TRAF6: variants seen among roughly 807,000 people sequenced by gnomAD.
TRAF6 encodes the protein TNF receptor-associated factor 6.
In TRAF6, 10 loss-of-function variants were observed where a neutral mutation model predicts 48.4. The observed-to-expected ratio is 0.21, with a 90% CI of 0.13 to 0.35. The LOEUF (loss-of-function observed/expected upper bound fraction) is 0.35. Ranked by LOEUF, TRAF6 falls within the 10% of genes least tolerant of loss-of-function variation. The pLI, the probability that TRAF6 is intolerant of heterozygous loss-of-function variation, is 1.00. For missense variants in TRAF6, 397 were observed against 661.0 expected, an observed-to-expected ratio of 0.60 and a Z score of 4.38; for synonymous variants, 186 against 219.6, an observed-to-expected ratio of 0.85 and a Z score of 1.35.
At chr11:36,499,980 C>T (rs1196240009) in intron 2 of TRAF6, among the ~76,000 whole-genome samples, 1 of 152,188 alleles carries the variant, frequency 6.6e-6, no homozygotes, top group African/African-American at 2.4e-5. Flanking sequence ...TAAAATGTAT[C>T]TATTTCCATG....
Position 36,492,663 on chromosome 11 carries a change from C to T in TRAF6, c.679-35G>A, listed in dbSNP as rs746708644. Reference sequence around the variant, plus strand: ...AAAACAAAGGCTGAAAAATCTCTTCCTTGCATATCATTTTCTAGTTTGATG... The same window carrying T: ...AAAACAAAGGCTGAAAAATCTCTTCTTTGCATATCATTTTCTAGTTTGATG... On this transcript the variant is annotated intron_variant, in intron 5 of 6. Transcript: ENST00000526995. The T allele has an allele frequency of 8.1e-6, 12 of 1,484,120 alleles. No homozygotes were observed. The South Asian group carries it at 1.4e-4, about 18-fold the overall frequency. The allele number at this position is 1,484,120 out of a possible 1,614,324, so 91.9% of individuals were successfully genotyped here. A position where few individuals can be genotyped will look rare whatever the true frequency, so the allele number is the denominator to read the frequency against.
chr11:36,502,536 C>T (rs1341368997), intron 1 of TRAF6, among the ~76,000 whole-genome samples: 1 of 152,082 alleles, frequency 6.6e-6, no homozygotes, highest in Non-Finnish European at 1.5e-5. Flanking sequence ...GGCCTCCAGT[C>T]ATATTCTCCT....
chr11:36,493,214 G>C (rs892868601), intron 5 of TRAF6, among the ~76,000 whole-genome samples: 1 of 152,194 alleles, frequency 6.6e-6, no homozygotes, highest in Admixed American at 6.5e-5. Flanking sequence ...GGGACTCTAA[G>C]ACACATTCTC....
intron 1 of TRAF6, among the ~76,000 whole-genome samples, chr11:36,505,011 G>C (rs989457511): frequency 9.2e-5 from 14 of 152,314 alleles, no homozygotes; most frequent in Admixed American, 2.6e-4. Flanking sequence ...CAGATACGCT[G>C]TCATCCAGGC....
At chr11:36,495,089 CT>C in intron 4 of TRAF6, 42 bp from the exon 5 acceptor site, 1 of 1,457,680 alleles carries the variant, frequency 6.9e-7, no homozygotes, top group Non-Finnish European at 9.5e-7. Flanking sequence ...ATGAGAATAT[CT>C]GAAAAAGTGA....
intron 4 of TRAF6, among the ~76,000 whole-genome samples, chr11:36,496,765 T>C (rs936461604): frequency 8.2e-6 from 1 of 121,630 alleles, no homozygotes; most frequent in African/African-American, 3.1e-5. Flanking sequence ...AGATCTTATC[T>C]TAATCTACTT....
At position 36,488,014 on chromosome 11, in the gene TRAF6, T is replaced by C. The variant is rs1859509677; in HGVS notation, c.*1824A>G. On this transcript the variant is annotated 3_prime_UTR_variant, in exon 7 of 7. Transcript: ENST00000526995. The stretch of plus-strand genomic sequence containing the variant: ...TAGTATATTTCCTTCAGGCTTTTTC[T>C]ACGCAAATACAAAAATACTACTGTT... The C allele has an allele frequency of 6.6e-6, 1 of 152,232 alleles. No homozygotes were observed. The highest frequency in any genetic ancestry group is 6.5e-5 in the Admixed American group (1 of 15,288). The allele number at this position is 152,232 out of a possible 1,614,324, so 9.4% of individuals were successfully genotyped here.
chr11:36,497,051 A>G, intron 4 of TRAF6, 57 bp downstream of exon 4: 3 of 1,581,152 alleles, frequency 1.9e-6, no homozygotes, highest in African/African-American at 1.4e-5. Context: ...TCAAGTACAC[A>G]TTTAAGAACA....
chr11:36,503,344 G>A (rs1209444841), intron 1 of TRAF6, among the ~76,000 whole-genome samples: 1 of 150,790 alleles, frequency 6.6e-6, no homozygotes, highest in Non-Finnish European at 1.5e-5. Flanking sequence ...GCTCAGGCTG[G>A]AGTGCAATGG....
At chr11:36,501,844 G>GT (rs1859720790) in intron 1 of TRAF6, 1 of 182,552 alleles carries the variant, frequency 5.5e-6, no homozygotes, top group African/African-American at 2.3e-5. Context: ...AGTTAAAAAA[G>GT]GAGAAGCACC....
chr11:36,505,666 T>C (rs540130654), intron 1 of TRAF6, among the ~76,000 whole-genome samples: 1 of 152,346 alleles, frequency 6.6e-6, no homozygotes, highest in African/African-American at 2.4e-5. Context: ...ATTCACAATT[T>C]GGCTAAATGG....
chr11:36,484,862 C>A lies in TRAF6; in HGVS notation c.*4976G>T, dbSNP rs1859460092. ...ATTTATCAAGGACCTTCAAATAAAT[C>A]CATTACAAAAAATACCCCTTCAGGC... On this transcript the variant is annotated 3_prime_UTR_variant, in exon 7 of 7. Coordinates refer to ENST00000526995, the MANE Select transcript of TRAF6 (RefSeq NM_004620.4). 6.6e-6 allele frequency among the ~76,000 whole-genome samples: 1 copy of A among 152,098 alleles called. No homozygotes were observed. Among genetic ancestry groups the A allele is most frequent in the Admixed American group, 6.5e-5 (1 of 15,268 alleles).
intron 4 of TRAF6, among the ~76,000 whole-genome samples, chr11:36,496,884 A>G (rs950582685): frequency 1.4e-4 from 21 of 152,156 alleles, no homozygotes; most frequent in African/African-American, 5.1e-4. Context: ...AGTGATAACT[A>G]GTATAAATGT....
intron 2 of TRAF6, among the ~76,000 whole-genome samples, chr11:36,499,249 A>C (rs1003940457): frequency 6.6e-6 from 1 of 152,172 alleles, no homozygotes; most frequent in African/African-American, 2.4e-5. Flanking sequence ...TCAGTGGTTT[A>C]TTCTTTCTTA....
intron 1 of TRAF6, among the ~76,000 whole-genome samples, chr11:36,507,773 T>C (rs1235730741): frequency 7.1e-6 from 1 of 141,784 alleles, no homozygotes; most frequent in Admixed American, 7.0e-5. Context: ...TATAAACATA[T>C]ACAAATATAT....
intron 1 of TRAF6, among the ~76,000 whole-genome samples, chr11:36,508,857 C>T (rs971366100): frequency 6.6e-6 from 1 of 152,202 alleles, no homozygotes; most frequent in African/African-American, 2.4e-5. Flanking sequence ...AGGATTTGAA[C>T]TTCTCTCCAA....
At chr11:36,503,945 CAA>C (rs1226707505) in intron 1 of TRAF6, among the ~76,000 whole-genome samples, 6 of 150,528 alleles carry the variant, frequency 4.0e-5, no homozygotes, top group Admixed American at 6.6e-5. Flanking sequence ...GTTTCCCATA[CAA>C]AGTTATGTTT....
chr11:36,498,770 G>T, intron 2 of TRAF6, 130 bp from the exon 3 acceptor site: 1 of 966,142 alleles, frequency 1.0e-6, no homozygotes, highest in Non-Finnish European at 1.5e-6. Flanking sequence ...ATATTATATT[G>T]CAGGTCACCA....
chr11:36,492,314 C>T (rs946773929), intron 6 of TRAF6, among the ~76,000 whole-genome samples: 1 of 152,184 alleles, frequency 6.6e-6, no homozygotes, highest in Non-Finnish European at 1.5e-5. Context: ...TCTTGGAAAA[C>T]TATTTCACCT....
Sources: allele counts gnomAD v4.1 joint callset (sites outside exome capture counted in the v4.1 genomes callset), GRCh38; gene constraint gnomAD v4.1.1; transcripts MANE v1.5; gene names NCBI Gene and HGNC (gene_info 2026-07-23, HGNC 2026-07-21).